The following ATP7B variants were observed in gnomAD, a reference collection of about 807,000 sequenced individuals.
The protein encoded by ATP7B is copper-transporting ATPase 2.
ATP7B carries 113 observed loss-of-function variants against 118.9 expected under a neutral mutation model. The ratio of observed to expected loss-of-function variants is 0.95; its 90% CI spans 0.82 to 1.11. ATP7B has a LOEUF of 1.11. Among genes scored for constraint, ATP7B ranks in the 50% most tolerant of loss-of-function variants. The pLI, the probability that ATP7B is intolerant of heterozygous loss-of-function variation, is 0.00. For missense variants in ATP7B, 1,867 were observed against 1,871.4 expected (o/e 1.00, Z 0.04); for synonymous variants, 777 against 727.4 (o/e 1.07, Z -1.10).
intron 18 of ATP7B, 32 bp from the exon 19 acceptor site, chr13:51,937,425 G>T: frequency 6.2e-7 from 1 of 1,614,126 alleles, no homozygotes; most frequent in Non-Finnish European, 8.5e-7. Context: ...TGAGGAAGGG[G>T]TCTGCCCATT....
chr13:51,954,336 G>T (rs1958202229), intron 9 of ATP7B, among the ~76,000 whole-genome samples: 1 of 152,228 alleles, frequency 6.6e-6, no homozygotes, highest in African/African-American at 2.4e-5. Context: ...ACGTTAGGAA[G>T]GTGGTTTTGA....
At chr13:51,989,545 T>C (rs1409285553) in intron 1 of ATP7B, among the ~76,000 whole-genome samples, 1 of 148,222 alleles carries the variant, frequency 6.7e-6, no homozygotes, top group Non-Finnish European at 1.5e-5. Flanking sequence ...AAAAAAAAAG[T>C]GAGTAAAATT....
At chr13:51,951,308 G>T (rs1238758498) in intron 9 of ATP7B, among the ~76,000 whole-genome samples, 1 of 152,084 alleles carries the variant, frequency 6.6e-6, no homozygotes, top group Non-Finnish European at 1.5e-5. Context: ...CAACTGGGTG[G>T]ATAGAGAAAC....
At chr13:52,004,322 G>A (rs957295756) in intron 1 of ATP7B, among the ~76,000 whole-genome samples, 1 of 152,192 alleles carries the variant, frequency 6.6e-6, no homozygotes, top group African/African-American at 2.4e-5. Context: ...TGTGCAACTT[G>A]AAATACACGG....
intron 14 of ATP7B, among the ~76,000 whole-genome samples, chr13:51,943,709 G>A (rs1957476426): frequency 6.6e-6 from 1 of 152,082 alleles, no homozygotes; most frequent in African/African-American, 2.4e-5. Context: ...GTGCTCCCAG[G>A]GGAGTAGATT....
chr13:52,003,324 C>T (rs1311986079), intron 1 of ATP7B, among the ~76,000 whole-genome samples: 1 of 152,026 alleles, frequency 6.6e-6, no homozygotes, highest in East Asian at 1.9e-4. Flanking sequence ...ATTGTTGTGT[C>T]TTAGGAAATA....
chr13:52,008,727 C>G (rs1352908585), intron 1 of ATP7B, among the ~76,000 whole-genome samples: 1 of 152,194 alleles, frequency 6.6e-6, no homozygotes, highest in Admixed American at 6.5e-5. Flanking sequence ...GGTTTCTCAA[C>G]CTAGGCTACT....
intron 1 of ATP7B, among the ~76,000 whole-genome samples, chr13:52,010,403 C>T (rs927566573): frequency 6.6e-6 from 1 of 152,110 alleles, no homozygotes. Flanking sequence ...ATAGTGTCAG[C>T]ATTAAAAATC....
rs1477881180 is a variant in ATP7B, at chr13:51,933,734, T to G, written c.*1022A>C. On this transcript the variant is annotated 3_prime_UTR_variant, in exon 21 of 21. Coordinates refer to ENST00000242839, the MANE Select transcript of ATP7B (RefSeq NM_000053.4). Reference sequence around the variant, plus strand: ...CAAGGCCAGGCGCTAGTCACATGAATTCTCTACTGAACCCCACGAGGTGAC... The same window carrying G: ...CAAGGCCAGGCGCTAGTCACATGAAGTCTCTACTGAACCCCACGAGGTGAC... 1 of 152,196 alleles carries G rather than the reference T, an allele frequency of 6.6e-6. No individual in the cohort carries two copies. The highest frequency in any genetic ancestry group is 1.5e-5 in the Non-Finnish European group (1 of 68,084). 9.4% of individuals were successfully genotyped at this position (152,196 alleles called of 1,614,324 possible).
At chr13:51,999,664 G>C (rs573890160) in intron 1 of ATP7B, among the ~76,000 whole-genome samples, 6 of 152,152 alleles carry the variant, frequency 3.9e-5, no homozygotes, top group Admixed American at 2.0e-4. Context: ...ACTCCAACAC[G>C]GCTTTACTCT....
At chr13:51,972,608 G>A (rs565173114) in intron 2 of ATP7B, among the ~76,000 whole-genome samples, 7 of 152,162 alleles carry the variant, frequency 4.6e-5, no homozygotes, top group South Asian at 2.1e-4. Context: ...TTTCTCACCC[G>A]GCCTCCTACG....
At chr13:51,977,473 A>G (rs1009395830) in intron 1 of ATP7B, among the ~76,000 whole-genome samples, 1 of 152,010 alleles carries the variant, frequency 6.6e-6, no homozygotes, top group African/African-American at 2.4e-5. Flanking sequence ...ATCTTCTCCC[A>G]CTGGAAGGTC....
At chr13:51,961,157 C>A (rs558504118) in intron 6 of ATP7B, among the ~76,000 whole-genome samples, 1 of 151,792 alleles carries the variant, frequency 6.6e-6, no homozygotes, top group South Asian at 2.1e-4. Context: ...ATCTTATGTC[C>A]CCTGCTTGGA....
intron 1 of ATP7B, among the ~76,000 whole-genome samples, chr13:51,998,824 G>A (rs1953344382): frequency 6.6e-6 from 1 of 152,198 alleles, no homozygotes; most frequent in Non-Finnish European, 1.5e-5. Context: ...GGGCTCTTTG[G>A]AGGAGGGACA....
chr13:52,002,472 G>A (rs1478741211), intron 1 of ATP7B, among the ~76,000 whole-genome samples: 1 of 147,042 alleles, frequency 6.8e-6, no homozygotes, highest in African/African-American at 2.5e-5. Flanking sequence ...AAGCTGAGGT[G>A]ATAGGATCAC....
At position 51,937,139 on chromosome 13, in the gene ATP7B, G is replaced by GA. The variant is rs57778802; in HGVS notation, c.4021+136dup. ...TAAAGACATATAAAGCAGGGGACAT[G>GA]AAAAAAAAAAAAAAACAGCCTTTCT... On this transcript the variant is annotated intron_variant, in intron 19 of 20. Transcript: ENST00000242839. 0.06 allele frequency: 39,086 copies of GA among 650,858 alleles called. 18 individuals are homozygous for GA. Among genetic ancestry groups the GA allele is most frequent in the South Asian group, 0.1 (5,685 of 54,814 alleles). 40.3% of individuals were successfully genotyped at this position (650,858 alleles called of 1,614,324 possible).
chr13:51,940,074 G>A (rs1279388386), intron 16 of ATP7B, among the ~76,000 whole-genome samples: 1 of 126,346 alleles, frequency 7.9e-6, no homozygotes, highest in African/African-American at 3.0e-5. Flanking sequence ...GGGCAGTGGT[G>A]TGATCTTGGC....
Position 51,964,935 on chromosome 13 carries a change from G to C in ATP7B, c.1806C>G (p.Ser602Arg). The change falls in exon 5 of 21, where the codon AGC (serine) becomes AGG (arginine). Residue 602 changes from serine to arginine, a missense_variant. Ser to Arg is a moderately radical substitution (Grantham distance 110). Coordinates refer to ENST00000242839, the MANE Select transcript of ATP7B (RefSeq NM_000053.4). ...ITYASVALAT[S>R]KALVKFDPEI... ...CCGGGTCAAACTTAACAAGGGCTTTGCTGGTGGCAAGGGCAACGGAGGCAT... is the reference window on the plus strand; with the variant it reads ...CCGGGTCAAACTTAACAAGGGCTTTCCTGGTGGCAAGGGCAACGGAGGCAT... 1 of 1,614,144 alleles carries C rather than the reference G, an allele frequency of 6.2e-7. No homozygotes were observed. Among genetic ancestry groups the C allele is most frequent in the East Asian group, 2.2e-5 (1 of 44,880 alleles).
chr13:51,937,752 T>C (rs1593646774), intron 17 of ATP7B, 73 bp from the exon 18 acceptor site: 1 of 1,543,270 alleles, frequency 6.5e-7, no homozygotes, highest in Non-Finnish European at 8.9e-7. Context: ...CAAGTTACCC[T>C]TGCCCCCTCT....
Sources: gnomAD v4.1 joint callset for allele counts (sites outside exome capture counted in the v4.1 genomes callset) on GRCh38, gnomAD v4.1.1 for gene constraint, MANE v1.5 for transcripts, NCBI Gene and HGNC (gene_info 2026-07-23, HGNC 2026-07-21) for gene names.